The following PTGER3 variants were observed in gnomAD, a reference collection of about 807,000 sequenced individuals.
PTGER3 encodes prostaglandin E2 receptor EP3 subtype.
A neutral mutation model predicts 34.7 loss-of-function variants in PTGER3; 22 were observed. The ratio of observed to expected loss-of-function variants is 0.63; its 90% confidence interval spans 0.45 to 0.91. PTGER3 has a LOEUF of 0.91. PTGER3 is among the 40% of genes least tolerant of loss of function. The pLI, the probability that PTGER3 is intolerant of heterozygous loss-of-function variation, is 0.00. For synonymous variants in PTGER3, 241 were observed against 230.1 expected (o/e 1.05, Z -0.43); for missense variants, 468 against 519.4 (o/e 0.90, Z 0.96).
At chr1:70,997,324 G>A (rs558715875) in intron 2 of PTGER3, 105 of 152,154 alleles carry the variant, frequency 6.9e-4, no homozygotes, top group African/African-American at 2.4e-3. Flanking sequence ...TCTTCTCTTG[G>A]TTATGAAACT....
At chr1:70,914,685 C>A (rs1266428889) in intron 4 of PTGER3, among the ~76,000 whole-genome samples, 1 of 151,848 alleles carries the variant, frequency 6.6e-6, no homozygotes, top group African/African-American at 2.4e-5. Context: ...CCTAGAGAAT[C>A]AATCATCCTC....
chr1:70,985,795 T>G (rs1274199574), intron 2 of PTGER3, among the ~76,000 whole-genome samples: 1 of 152,200 alleles, frequency 6.6e-6, no homozygotes, highest in Non-Finnish European at 1.5e-5. Context: ...TTGTTCAGTC[T>G]TTTAATGACG....
At chr1:70,868,049 A>G (rs1205797577) in intron 4 of PTGER3, among the ~76,000 whole-genome samples, 1 of 152,154 alleles carries the variant, frequency 6.6e-6, no homozygotes, top group Non-Finnish European at 1.5e-5. Context: ...TCAAACTCCT[A>G]AGCAAAACAT....
chr1:70,902,906 C>G (rs780821268), intron 4 of PTGER3, among the ~76,000 whole-genome samples: 1 of 152,116 alleles, frequency 6.6e-6, no homozygotes, highest in African/African-American at 2.4e-5. Flanking sequence ...ATGCTGGCCC[C>G]CCAAAAGATA....
chr1:70,999,999 T>C (rs1323579251), intron 2 of PTGER3, among the ~76,000 whole-genome samples: 1 of 152,218 alleles, frequency 6.6e-6, no homozygotes, highest in Non-Finnish European at 1.5e-5. Flanking sequence ...CTGAGAATCT[T>C]GTTTGCTTAA....
chr1:71,005,914 C>T (rs1012537540), intron 2 of PTGER3: 6 of 817,672 alleles, frequency 7.3e-6, no homozygotes, highest in East Asian at 1.2e-4. Context: ...TGTACATATT[C>T]GCAGGGCACA....
At chr1:71,037,925 G>A (rs889581116) in intron 1 of PTGER3, among the ~76,000 whole-genome samples, 2 of 152,174 alleles carry the variant, frequency 1.3e-5, no homozygotes, top group African/African-American at 2.4e-5. Flanking sequence ...TGAGGAGCTG[G>A]CTGTTGAGGC....
chr1:70,902,543 C>G lies in PTGER3; in HGVS notation c.*24-49684G>C, dbSNP rs976699306. Among the ~76,000 whole-genome samples, 3 of 152,326 alleles carry G rather than the reference C, an allele frequency of 2.0e-5. No individual in the cohort carries two copies. The East Asian group carries it at 5.8e-4, about 29-fold the overall frequency. Reference sequence around the variant, plus strand: ...ACTGTGATAAGTGCTGGAATCAAGACAGAAAGCCCAAAAATCTAACAGATT... The same window carrying G: ...ACTGTGATAAGTGCTGGAATCAAGAGAGAAAGCCCAAAAATCTAACAGATT... On this transcript the variant is annotated intron_variant, in intron 4 of 4. Coordinates refer to the PTGER3 transcript ENST00000370931.
intron 2 of PTGER3, among the ~76,000 whole-genome samples, chr1:70,957,724 T>C (rs1161347984): frequency 6.6e-6 from 1 of 152,180 alleles, no homozygotes; most frequent in Non-Finnish European, 1.5e-5. Context: ...CTCTTCTAGC[T>C]ATCTTGAATA....
chr1:70,980,443 G>T lies in PTGER3; in HGVS notation c.1078-6055C>A, dbSNP rs548840757. Among the ~76,000 whole-genome samples the T allele has an allele frequency of 1.6e-4, 24 of 152,138 alleles. No homozygotes were observed. In the South Asian group the frequency reaches 1.9e-3, roughly 12 times the overall value. The stretch of plus-strand genomic sequence containing the variant: ...TCTTGGTGGAATGGGAATAAAGGTT[G>T]TAACTACCCCTATAAGATTGTTGGT... On this transcript the variant is annotated intron_variant, in intron 2 of 3. Coordinates refer to ENST00000306666, the MANE Select transcript of PTGER3 (RefSeq NM_198719.2).
chr1:70,912,457 GTTAAA>G (rs1338663248), intron 4 of PTGER3, among the ~76,000 whole-genome samples: 1 of 152,032 alleles, frequency 6.6e-6, no homozygotes, highest in Non-Finnish European at 1.5e-5. Context: ...TCCAGTTTAT[GTTAAA>G]TTAAAGAGTT....
At chr1:70,974,250 G>A (rs906399189) in intron 3 of PTGER3, 47 bp downstream of exon 3, 3 of 1,605,812 alleles carry the variant, frequency 1.9e-6, no homozygotes, top group Non-Finnish European at 2.6e-6. Context: ...AGAACAGAGA[G>A]ACGGGGGAAG....
At chr1:70,852,820 C>T in exon 5 of PTGER3, 1 of 1,612,680 alleles carries the variant, frequency 6.2e-7, no homozygotes, top group African/African-American at 1.3e-5. Flanking sequence ...GTGATGTGAT[C>T]CTGGCAGAAA....
chr1:70,957,004 A>G (rs1651413392), intron 2 of PTGER3, among the ~76,000 whole-genome samples: 1 of 152,156 alleles, frequency 6.6e-6, no homozygotes, highest in Admixed American at 6.5e-5. Flanking sequence ...TAATAATAGT[A>G]ACAATAGAAG....
At chr1:70,880,416 G>A (rs376310169) in intron 4 of PTGER3, among the ~76,000 whole-genome samples, 32 of 150,666 alleles carry the variant, frequency 2.1e-4, no homozygotes, top group South Asian at 2.1e-3. Flanking sequence ...GAGGCTGGGC[G>A]AGGCAGCTCA....
intron 2 of PTGER3, among the ~76,000 whole-genome samples, chr1:70,985,381 G>T (rs1311168341): frequency 6.6e-6 from 1 of 152,156 alleles, no homozygotes; most frequent in Admixed American, 6.5e-5. Flanking sequence ...CATAGAGACT[G>T]CCATGGAGTT....
chr1:71,027,610 T>C (rs12739047), intron 1 of PTGER3, among the ~76,000 whole-genome samples: 56,821 of 151,972 alleles, frequency 0.37, 11,532 homozygotes, highest in South Asian at 0.47. Flanking sequence ...ATTGACATAG[T>C]CCCCCCGGTT....
At chr1:70,923,535 T>G (rs1039713934) in intron 4 of PTGER3, among the ~76,000 whole-genome samples, 1 of 152,176 alleles carries the variant, frequency 6.6e-6, no homozygotes, top group Non-Finnish European at 1.5e-5. Context: ...TACGTTAGAA[T>G]AGAGAAAAAT....
intron 4 of PTGER3, among the ~76,000 whole-genome samples, chr1:70,876,120 G>A (rs950293082): frequency 2.0e-5 from 3 of 151,974 alleles, no homozygotes; most frequent in Non-Finnish European, 2.9e-5. Context: ...TGACATTTTA[G>A]TAAGAGCCAT....
Sources: gnomAD v4.1 joint callset for allele counts (sites outside exome capture counted in the v4.1 genomes callset) on GRCh38, gnomAD v4.1.1 for gene constraint, MANE v1.5 for transcripts, NCBI Gene and HGNC (gene_info 2026-07-23, HGNC 2026-07-21) for gene names.